The following PCDHGA9 variants were observed in gnomAD, a reference collection of about 807,000 sequenced individuals.
PCDHGA9 encodes protocadherin gamma-A9.
A neutral mutation model predicts 62.5 loss-of-function variants in PCDHGA9; 37 were observed. The ratio of observed to expected loss-of-function variants is 0.59; its 90% CI spans 0.46 to 0.78. The LOEUF (loss-of-function observed/expected upper bound fraction) is 0.78. Ranked by LOEUF, PCDHGA9 falls within the 30% of genes least tolerant of loss-of-function variation. The pLI, the probability that PCDHGA9 is intolerant of heterozygous loss-of-function variation, is 0.00. For synonymous variants in PCDHGA9, 459 were observed against 484.6 expected (o/e 0.95, Z 0.69); for missense variants, 1,138 against 1,166.2 (o/e 0.98, Z 0.35).
intron 1 of PCDHGA9, among the ~76,000 whole-genome samples, chr5:141,468,759 G>A (rs1202810666): frequency 3.9e-5 from 6 of 151,990 alleles, no homozygotes; most frequent in Admixed American, 2.0e-4. Context: ...CCAGCTACTC[G>A]GGAGGCTGAG....
At chr5:141,472,453 T>C (rs2099281194) in intron 1 of PCDHGA9, among the ~76,000 whole-genome samples, 1 of 151,726 alleles carries the variant, frequency 6.6e-6, no homozygotes, top group African/African-American at 2.4e-5. Flanking sequence ...GGCAGGAGAA[T>C]CGCTTGAACC....
rs978480877 is a variant in PCDHGA9, at chr5:141,417,841, G to A, written c.2424+12465G>A. ...CTCCAACTGGAAAAGCGGGGACCCAGCGAGAACCCGAGCGAACGATGGGAG... is the reference window on the plus strand; with the variant it reads ...CTCCAACTGGAAAAGCGGGGACCCAACGAGAACCCGAGCGAACGATGGGAG... On this transcript the variant is annotated intron_variant, in intron 1 of 3. Coordinates refer to ENST00000573521, the MANE Select transcript of PCDHGA9 (RefSeq NM_018921.3). 1.4e-5 allele frequency: 21 copies of A among 1,537,848 alleles called. No homozygotes were observed. In the African/African-American group the frequency reaches 2.6e-4, roughly 19 times the overall value.
chr5:141,425,844 G>C (rs985746948), intron 1 of PCDHGA9, among the ~76,000 whole-genome samples: 1 of 152,104 alleles, frequency 6.6e-6, no homozygotes, highest in Admixed American at 6.6e-5. Flanking sequence ...CTCTTTGCTG[G>C]GTTAATGACT....
Position 141,432,923 on chromosome 5 carries a change from T to C in PCDHGA9, c.2424+27547T>C. ...GCTCAGGCTGCGGCGCTGGCACAAG[T>C]CACGCCTGCTGCAGGCTTCAGGAGG... On this transcript the variant is annotated intron_variant, in intron 1 of 3. Coordinates refer to ENST00000573521, the MANE Select transcript of PCDHGA9 (RefSeq NM_018921.3). This position sits in a 1 kb window ranked among gnomAD's most constrained non-coding sequence, Gnocchi z 6.0. The C allele has an allele frequency of 6.2e-7, 1 of 1,614,186 alleles. No homozygotes were observed. Among genetic ancestry groups the C allele is most frequent in the Non-Finnish European group, 8.5e-7 (1 of 1,180,034 alleles).
Position 141,494,855 on chromosome 5 carries a change from G to A in PCDHGA9, c.2473G>A (p.Gly825Ser), listed in dbSNP as rs200418116. The A allele has an allele frequency of 4.8e-4, 774 of 1,614,092 alleles. 7 individuals carry two copies. The South Asian group carries it at 5.1e-3, about 11-fold the overall frequency. ...GCGTTTCTCTCAGGCCCAGAGACCC[G>A]GCACCAGCGGGTAGGTGACTGATTC... is the stretch of plus-strand genomic sequence containing the variant. ...DWRFSQAQRP[G>S]TSGSQNGDDT... Residue 825 changes from glycine (G) to serine (S), a missense_variant, in exon 2 of 4, where the codon GGC becomes AGC. Coordinates refer to ENST00000573521, the MANE Select transcript of PCDHGA9 (RefSeq NM_018921.3).
rs2099419063 is a variant in PCDHGA9 at position 141,477,824 on chromosome 5, C to G, written c.2425-16983C>G. On this transcript the variant is annotated intron_variant, in intron 1 of 3. Coordinates refer to ENST00000573521, the MANE Select transcript of PCDHGA9 (RefSeq NM_018921.3). This position sits in a 1 kb window ranked among gnomAD's most constrained non-coding sequence, Gnocchi z 4.9. ...TGACAATGCCCCCCAGGTCCTATAT[C>G]CTCGGCCAGGTGGGAGCTCGGTGGA... is the stretch of plus-strand genomic sequence containing the variant. 5.6e-6 allele frequency: 9 copies of G among 1,614,196 alleles called. No individual in the cohort carries two copies. The highest frequency in any genetic ancestry group is 5.9e-6 in the Non-Finnish European group (7 of 1,180,034).
At position 141,485,120 on chromosome 5, in the gene PCDHGA9, G is replaced by T; in HGVS notation, c.2425-9687G>T. The T allele has an allele frequency of 7.4e-7, 1 of 1,348,050 alleles. No individual in the cohort carries two copies. Among genetic ancestry groups the T allele is most frequent in the Non-Finnish European group, 1.0e-6 (1 of 952,710 alleles). 83.5% of individuals were successfully genotyped at this position (1,348,050 alleles called of 1,614,324 possible). On this transcript the variant is annotated intron_variant, in intron 1 of 3. Transcript: ENST00000573521. The surrounding 1 kb of genome is among the most constrained non-coding windows in gnomAD (Gnocchi z 5.7). ...TCCAGCTGCTGTGGCTGTTTGGGGC[G>T]GGTCGGCTTCATCCGCGTCTCAGGA...
chr5:141,451,007 T>A (rs2098704118), intron 1 of PCDHGA9, among the ~76,000 whole-genome samples: 1 of 151,594 alleles, frequency 6.6e-6, no homozygotes, highest in Non-Finnish European at 1.5e-5. Flanking sequence ...TTGTATTTTT[T>A]TTAGTAGAGA....
Position 141,489,564 on chromosome 5 carries a change from G to A in PCDHGA9, c.2425-5243G>A, listed in dbSNP as rs375200685. The A allele has an allele frequency of 1.9e-6, 3 of 1,613,980 alleles. No homozygotes were observed. Among genetic ancestry groups the A allele is most frequent in the Non-Finnish European group, 1.7e-6 (2 of 1,180,020 alleles). On this transcript the variant is annotated intron_variant, in intron 1 of 3. Transcript: ENST00000573521. This position sits in a 1 kb window ranked among gnomAD's most constrained non-coding sequence, Gnocchi z 4.5. Reference sequence around the variant, plus strand: ...CCAGCTGCCTGCTGCCAGTGCAGGTGGTGACTGAACACCCCCTGGAGCTAA... The same window carrying A: ...CCAGCTGCCTGCTGCCAGTGCAGGTAGTGACTGAACACCCCCTGGAGCTAA...
chr5:141,431,976 C>T lies in PCDHGA9; in HGVS notation c.2424+26600C>T, dbSNP rs2097433306. ...TACGGAAATTACTATAGTTTAGTCACAGACATAGTCTTGGATAGGGAACAG... is the reference window on the plus strand; with the variant it reads ...TACGGAAATTACTATAGTTTAGTCATAGACATAGTCTTGGATAGGGAACAG... On this transcript the variant is annotated intron_variant, in intron 1 of 3. Transcript: ENST00000573521. This position sits in a 1 kb window ranked among gnomAD's most constrained non-coding sequence, Gnocchi z 4.8. 6.2e-7 allele frequency: 1 copy of T among 1,614,078 alleles called. No individual in the cohort carries two copies. The highest frequency in any genetic ancestry group is 1.3e-5 in the African/African-American group (1 of 74,934).
At position 141,511,108 on chromosome 5, in the gene PCDHGA9, G is replaced by A; in HGVS notation, c.2734G>A (p.Asp912Asn). The A allele has an allele frequency of 6.2e-7, 1 of 1,614,244 alleles. No homozygotes were observed. The highest frequency in any genetic ancestry group is 2.2e-5 in the East Asian group (1 of 44,882). Residue 912 changes from aspartate (D) to asparagine (N), a missense_variant, in exon 4 of 4, where the codon GAT (aspartate) becomes AAT (asparagine). Physicochemically the swap from Asp to Asn is conservative, Grantham distance 23. Coordinates refer to ENST00000573521, the MANE Select transcript of PCDHGA9 (RefSeq NM_018921.3). ...ATLTNAAGKR[D>N]GKAPAGGNGN... Reference sequence around the variant, plus strand: ...ACTGACCAACGCAGCTGGCAAGCGGGATGGCAAGGCCCCAGCAGGTGGCAA... The same window carrying A: ...ACTGACCAACGCAGCTGGCAAGCGGAATGGCAAGGCCCCAGCAGGTGGCAA...
At chr5:141,488,031 A>G (rs1475176300) in intron 1 of PCDHGA9, among the ~76,000 whole-genome samples, 1 of 152,122 alleles carries the variant, frequency 6.6e-6, no homozygotes, top group Non-Finnish European at 1.5e-5. Context: ...CTAGGTTACC[A>G]TTTCCCAAGG....
chr5:141,409,850 G>A lies in PCDHGA9; in HGVS notation c.2424+4474G>A. ...GCTCAGCGCCAACGTGAGCCTGCGC[G>A]TGTTGGTGGGAGACCGCAATGACAA... On this transcript the variant is annotated intron_variant, in intron 1 of 3. Transcript: ENST00000573521. 6.2e-7 allele frequency: 1 copy of A among 1,612,142 alleles called. No individual in the cohort carries two copies. Among genetic ancestry groups the A allele is most frequent in the African/African-American group, 1.3e-5 (1 of 75,014 alleles).
intron 1 of PCDHGA9, among the ~76,000 whole-genome samples, chr5:141,437,145 T>C (rs191316470): frequency 3.9e-5 from 6 of 152,364 alleles, no homozygotes; most frequent in Admixed American, 3.9e-4. Flanking sequence ...GGATTCATAA[T>C]TAACATATGT....
chr5:141,478,435 G>A, intron 1 of PCDHGA9: 1 of 1,613,736 alleles, frequency 6.2e-7, no homozygotes, highest in Non-Finnish European at 8.5e-7. Context: ...ACCCGCTGCT[G>A]AAGAAACCTG....
At chr5:141,427,525 C>T (rs779318429) in intron 1 of PCDHGA9, 9 of 611,980 alleles carry the variant, frequency 1.5e-5, no homozygotes, top group South Asian at 3.0e-5. Flanking sequence ...GAGCGGATCC[C>T]GGAGTACAAC....
In PCDHGA9 at chr5:141,491,163, C is replaced by T; in HGVS notation, c.2425-3644C>T. On this transcript the variant is annotated intron_variant, in intron 1 of 3. Transcript: ENST00000573521. The surrounding 1 kb of genome is among the most constrained non-coding windows in gnomAD (Gnocchi z 6.9). ...CCTTACTGGAGGATGACTCTGACAC[C>T]CAGCAGGTGGTGGTCCTGGTGAGGG... is the stretch of plus-strand genomic sequence containing the variant. 1 of 1,614,092 alleles carries T rather than the reference C, an allele frequency of 6.2e-7. No homozygotes were observed. Among genetic ancestry groups the T allele is most frequent in the Non-Finnish European group, 8.5e-7 (1 of 1,179,950 alleles).
chr5:141,438,513 A>G (rs2097964808), intron 1 of PCDHGA9, among the ~76,000 whole-genome samples: 1 of 148,768 alleles, frequency 6.7e-6, no homozygotes, highest in Non-Finnish European at 1.5e-5. Context: ...TGCAAAACCA[A>G]TTATTTTACA....
intron 1 of PCDHGA9, among the ~76,000 whole-genome samples, chr5:141,455,844 T>TA (rs2098833146): frequency 6.6e-6 from 1 of 150,818 alleles, no homozygotes; most frequent in Non-Finnish European, 1.5e-5. Flanking sequence ...TCTATCTGCA[T>TA]AAAATAATTT....
Sources: allele counts gnomAD v4.1 joint callset (sites outside exome capture counted in the v4.1 genomes callset), GRCh38; gene constraint gnomAD v4.1.1; non-coding constraint Gnocchi (gnomAD v3.1); transcripts MANE v1.5; gene names NCBI Gene and HGNC (gene_info 2026-07-23, HGNC 2026-07-21).